The following MPND variants were observed in gnomAD, a reference collection of about 807,000 sequenced individuals.
The protein encoded by MPND is MPN domain containing, also known as MPN domain-containing protein.
Under a neutral mutation model 59.2 loss-of-function variants are expected in MPND, and 56 were observed. That is an observed-to-expected ratio of 0.95 (90% CI 0.76 to 1.18). The LOEUF is 1.18. Ranked by LOEUF, MPND falls within the 50% of genes most tolerant of loss-of-function variation. The pLI is 0.00. For missense variants in MPND, 671 were observed against 676.0 expected (o/e 0.99, Z 0.08); for synonymous variants, 323 against 291.9 (o/e 1.11, Z -1.09).
intron 4 of MPND, among the ~76,000 whole-genome samples, chr19:4,353,525 C>T (rs1270642579): frequency 1.3e-5 from 2 of 151,960 alleles, no homozygotes; most frequent in Admixed American, 6.6e-5. Context: ...GCCTCGGCCT[C>T]CCAAAGTGTT....
In MPND at chr19:4,355,028, A is replaced by G. The variant is rs758692442; in HGVS notation, c.919+7A>G. On this transcript the variant is annotated splice_region_variant and intron_variant, in intron 7 of 12. Coordinates refer to ENST00000599840, the MANE Select transcript of MPND (RefSeq NM_001300862.2). The stretch of plus-strand genomic sequence containing the variant: ...TGGGACGTCAACAGCCAGAGTGGGT[A>G]TCCAGGGCCAGGTGGGCGGGGGCGT... 5.3e-5 allele frequency: 71 copies of G among 1,332,696 alleles called. No homozygotes were observed. Among genetic ancestry groups the G allele is most frequent in the Non-Finnish European group, 7.0e-5 (68 of 968,172 alleles). 82.6% of individuals were successfully genotyped at this position (1,332,696 alleles called of 1,614,324 possible). A position where few individuals can be genotyped will look rare whatever the true frequency, so the allele number is the denominator to read the frequency against.
At chr19:4,350,262 G>T (rs1480688168) in intron 3 of MPND, among the ~76,000 whole-genome samples, 3 of 152,166 alleles carry the variant, frequency 2.0e-5, no homozygotes, top group Non-Finnish European at 4.4e-5. Context: ...GAGTAAGGGA[G>T]AGAGAAGGAG....
At chr19:4,349,599 C>G (rs1170550669) in intron 3 of MPND, among the ~76,000 whole-genome samples, 1 of 151,986 alleles carries the variant, frequency 6.6e-6, no homozygotes, top group Non-Finnish European at 1.5e-5. Flanking sequence ...CAACCTCCGC[C>G]TCTTGGGTTC....
At chr19:4,359,752 T>C (rs1027632509) in intron 12 of MPND, among the ~76,000 whole-genome samples, 164 bp from the exon 13 acceptor site, 3 of 152,052 alleles carry the variant, frequency 2.0e-5, no homozygotes, top group Non-Finnish European at 4.4e-5. Context: ...CTCGGTTACA[T>C]ACTGCCCCAC....
At chr19:4,345,081 G>A (rs1253523764) in intron 2 of MPND, among the ~76,000 whole-genome samples, 2 of 87,498 alleles carry the variant, frequency 2.3e-5, no homozygotes, top group African/African-American at 9.3e-5. Flanking sequence ...AGAGTCTCGC[G>A]CTGTTGCCCA....
intron 3 of MPND, among the ~76,000 whole-genome samples, chr19:4,351,456 G>A (rs1176226432): frequency 6.6e-6 from 1 of 152,188 alleles, no homozygotes; most frequent in Non-Finnish European, 1.5e-5. Context: ...GTGCTGGCTC[G>A]CTCAATGAAC....
At chr19:4,355,481 G>A (rs1972418213) in intron 8 of MPND, among the ~76,000 whole-genome samples, 1 of 152,108 alleles carries the variant, frequency 6.6e-6, no homozygotes, top group South Asian at 2.1e-4. Flanking sequence ...GACTACAGGT[G>A]CCTGCCACCA....
rs200894292 is a variant in MPND at position 4,345,948 on chromosome 19, C to G, written c.498C>G (p.His166Gln). ...DKYKATWLRL[H>Q]QLHTPATAAD... Reference sequence around the variant, plus strand: ...ACAAGGCCACCTGGCTCCGGCTGCACCAGCTGCACACGCCTGCCACGGCTG... The same window carrying G: ...ACAAGGCCACCTGGCTCCGGCTGCAGCAGCTGCACACGCCTGCCACGGCTG... The change falls in exon 3 of 13, where the codon CAC becomes CAG. Residue 166 changes from histidine to glutamine, a missense_variant. By Grantham distance (24) the His-to-Gln change is conservative. Transcript: ENST00000599840. The G allele has an allele frequency of 1.9e-6, 3 of 1,612,920 alleles. No individual in the cohort carries two copies. The highest frequency in any genetic ancestry group is 2.7e-5 in the African/African-American group (2 of 74,930).
intron 11 of MPND, 43 bp from the exon 12 acceptor site, chr19:4,359,120 G>A: frequency 6.9e-7 from 1 of 1,457,956 alleles, no homozygotes; most frequent in Non-Finnish European, 9.6e-7. Flanking sequence ...AGGTACCTCA[G>A]GCTTGGAGGG....
chr19:4,356,301 C>T lies in MPND; in HGVS notation c.997-952C>T, dbSNP rs926699987. Among the ~76,000 whole-genome samples the T allele has an allele frequency of 3.4e-4, 52 of 152,058 alleles. 2 individuals are homozygous for T. Among genetic ancestry groups the T allele is most frequent in the Non-Finnish European group, 7.4e-5 (5 of 68,020 alleles). On this transcript the variant is annotated intron_variant, in intron 8 of 12. Coordinates refer to ENST00000599840, the MANE Select transcript of MPND (RefSeq NM_001300862.2). ...GCACCGGGGGTTCACACCTGGAATC[C>T]CAGCACTTAGGGAGGCCGAGGCAGG...
intron 3 of MPND, 49 bp from the exon 4 acceptor site, chr19:4,352,848 G>C: frequency 1.5e-6 from 2 of 1,312,414 alleles, no homozygotes; most frequent in Non-Finnish European, 2.0e-6. Context: ...GAGCGGGGGG[G>C]CACCCAGCTG....
chr19:4,354,859 G>T (rs1405563865), intron 6 of MPND, 90 bp from the exon 7 acceptor site: 2 of 1,332,958 alleles, frequency 1.5e-6, no homozygotes, highest in Non-Finnish European at 2.1e-6. Context: ...GCAAGACTGA[G>T]TCTCAAAGAG....
In MPND at chr19:4,354,260, A is replaced by G; in HGVS notation, c.750-64A>G. The G allele has an allele frequency of 2.7e-6, 4 of 1,502,958 alleles. No individual in the cohort carries two copies. The Admixed American group carries it at 7.9e-5, about 30-fold the overall frequency. 93.1% of individuals were successfully genotyped at this position (1,502,958 alleles called of 1,614,324 possible). On this transcript the variant is annotated intron_variant, in intron 5 of 12. Transcript: ENST00000599840. ...TCAGAGCTGTGGGGTTGGGGGAGTCAGTGTGGGGGCGAGGGAAGAGCCTGG... is the reference window on the plus strand; with the variant it reads ...TCAGAGCTGTGGGGTTGGGGGAGTCGGTGTGGGGGCGAGGGAAGAGCCTGG...
At position 4,345,040 on chromosome 19, in the gene MPND, CTTTTTTT is replaced by C. The variant is rs773615575; in HGVS notation, c.295-686_295-680del. On this transcript the variant is annotated intron_variant, in intron 2 of 12. Transcript: ENST00000599840. The stretch of plus-strand genomic sequence containing the variant: ...ATAGGCGTGAGCCACCATGCCCGGC[CTTTTTTT>C]TTTTTTTTTTTTTTTTTTGAGACAG... 8.7e-3 allele frequency among the ~76,000 whole-genome samples: 579 copies of C among 66,386 alleles called. 1 individual carries two copies. Among genetic ancestry groups the C allele is most frequent in the African/African-American group, 0.036 (561 of 15,566 alleles). The allele number at this position is 66,386 out of a possible 152,430, so 43.6% of individuals were successfully genotyped here.
chr19:4,345,089 C>T (rs1322113082), intron 2 of MPND, among the ~76,000 whole-genome samples: 1 of 137,094 alleles, frequency 7.3e-6, no homozygotes, highest in African/African-American at 2.8e-5. Context: ...GCGCTGTTGC[C>T]CAGGCTGGAA....
rs886125939 is a variant in MPND at position 4,359,172 on chromosome 19, G to C, written c.1336G>C (p.Val446Leu). ...NDILHEMMLL[V>L]EFYKGSPDLV... The stretch of plus-strand genomic sequence containing the variant: ...CTCCTCTGTCCTGTAGATGCTGCTG[G>C]TGGAGTTCTACAAGGGTTCCCCTGA... The change falls in exon 12 of 13, where the codon GTG (valine) becomes CTG (leucine). Residue 446 changes from valine (V) to leucine (L), a missense_variant. Val to Leu is a conservative substitution (Grantham distance 32). Coordinates refer to ENST00000599840, the MANE Select transcript of MPND (RefSeq NM_001300862.2). The C allele has an allele frequency of 6.2e-7, 1 of 1,612,602 alleles. No homozygotes were observed. Among genetic ancestry groups the C allele is most frequent in the African/African-American group, 1.3e-5 (1 of 74,854 alleles).
chr19:4,350,175 T>C (rs10407866), intron 3 of MPND, among the ~76,000 whole-genome samples: 116,996 of 151,402 alleles, frequency 0.77, 45,853 homozygotes, highest in African/African-American at 0.83. Flanking sequence ...AGAAACAGCC[T>C]CTGCAAAGGC....
intron 2 of MPND, 110 bp downstream of exon 2, chr19:4,344,104 G>A: frequency 8.8e-6 from 7 of 794,990 alleles, no homozygotes; most frequent in Middle Eastern, 2.8e-4. Flanking sequence ...GGGACACTGA[G>A]GCCCGGAGCT....
At chr19:4,347,814 T>G in intron 3 of MPND, 2 of 361,170 alleles carry the variant, frequency 5.5e-6, no homozygotes, top group East Asian at 6.0e-5. Flanking sequence ...CCTTAGTCAG[T>G]CCAGTGTCTA....
Sources: gnomAD v4.1 joint callset for allele counts (sites outside exome capture counted in the v4.1 genomes callset) on GRCh38, gnomAD v4.1.1 for gene constraint, MANE v1.5 for transcripts, NCBI Gene and HGNC (gene_info 2026-07-23, HGNC 2026-07-21) for gene names.